The following IFT43 variants were observed in gnomAD, a reference collection of about 807,000 sequenced individuals.
The protein encoded by IFT43 is intraflagellar transport protein 43 homolog.
IFT43 carries 33 observed loss-of-function variants against 32.3 expected under a neutral mutation model. The observed-to-expected ratio is 1.02, with a 90% CI of 0.77 to 1.37. The LOEUF (loss-of-function observed/expected upper bound fraction) is 1.37, where lower values mean the gene tolerates loss of function less well. IFT43 is among the 40% of genes most tolerant of loss of function. IFT43 has a pLI of 0.00. For missense variants in IFT43, 274 were observed against 265.9 expected (o/e 1.03, Z -0.21); for synonymous variants, 93 against 98.2 (o/e 0.95, Z 0.31).
chr14:76,021,329 C>T (rs1389279029), intron 2 of IFT43, among the ~76,000 whole-genome samples: 1 of 152,150 alleles, frequency 6.6e-6, no homozygotes, highest in Non-Finnish European at 1.5e-5. Flanking sequence ...TTTATCTCTT[C>T]TAAGCAAGTC....
intron 2 of IFT43, among the ~76,000 whole-genome samples, chr14:76,011,606 T>C (rs761094721): frequency 2.6e-5 from 4 of 152,248 alleles, no homozygotes; most frequent in Non-Finnish European, 5.9e-5. Context: ...CAGTCAGTCT[T>C]GTACCTAATG....
chr14:76,037,862 T>G (rs1230576459), intron 3 of IFT43, among the ~76,000 whole-genome samples: 2 of 152,190 alleles, frequency 1.3e-5, no homozygotes, highest in African/African-American at 4.8e-5. Context: ...ACATATTTGA[T>G]CAATGAGTAA....
chr14:75,995,270 A>G (rs1375795228), intron 2 of IFT43, among the ~76,000 whole-genome samples: 1 of 152,166 alleles, frequency 6.6e-6, no homozygotes, highest in African/African-American at 2.4e-5. Context: ...AGATGGGAAG[A>G]AGCACAGACC....
At chr14:75,991,830 G>T (rs1221088107) in intron 2 of IFT43, among the ~76,000 whole-genome samples, 1 of 152,098 alleles carries the variant, frequency 6.6e-6, no homozygotes, top group Non-Finnish European at 1.5e-5. Context: ...AGGATTCCAG[G>T]ATCCCTTTCT....
At chr14:76,057,470 A>T (rs999926776) in intron 3 of IFT43, among the ~76,000 whole-genome samples, 3 of 151,928 alleles carry the variant, frequency 2.0e-5, no homozygotes, top group South Asian at 2.1e-4. Context: ...ACCTCAAATG[A>T]TCCACCTGCC....
In IFT43 at chr14:76,083,600, A is replaced by T. The variant is rs749406318; in HGVS notation, c.*23A>T. 6.2e-7 allele frequency: 1 copy of T among 1,612,712 alleles called. No homozygotes were observed. The highest frequency in any genetic ancestry group is 2.2e-5 in the East Asian group (1 of 44,884). Reference sequence around the variant, plus strand: ...TGAGCCCGTCACCCATGCTCTAGACATGAAGAAATGCAATGAGCTTAAAGC... The same window carrying T: ...TGAGCCCGTCACCCATGCTCTAGACTTGAAGAAATGCAATGAGCTTAAAGC... On this transcript the variant is annotated 3_prime_UTR_variant, in exon 9 of 9. Transcript: ENST00000314067.
intron 3 of IFT43, among the ~76,000 whole-genome samples, chr14:76,037,515 G>A (rs1489685459): frequency 6.6e-6 from 1 of 152,120 alleles, no homozygotes; most frequent in Non-Finnish European, 1.5e-5. Flanking sequence ...CTACTTGGCT[G>A]CTTGAAATAC....
rs371443799 is a variant in IFT43 at position 76,000,334 on chromosome 14, G to A, written c.147+11357G>A. On this transcript the variant is annotated intron_variant, in intron 2 of 8. Coordinates refer to ENST00000314067, the MANE Select transcript of IFT43 (RefSeq NM_001102564.3). ...AGCTGGAGTGCAGTGGCACAATCTC[G>A]GCTCACCACAAGCTCCGCCTTCTGG... Among the ~76,000 whole-genome samples, 22 of 145,342 alleles carry A rather than the reference G, an allele frequency of 1.5e-4. 1 individual carries two copies. The East Asian group carries it at 1.6e-3, about 11-fold the overall frequency.
intron 5 of IFT43, among the ~76,000 whole-genome samples, chr14:76,067,447 G>A (rs1027551415): frequency 6.6e-6 from 1 of 152,094 alleles, no homozygotes; most frequent in East Asian, 1.9e-4. Context: ...GTGCACGCCT[G>A]TAATCCAAGC....
intron 2 of IFT43, among the ~76,000 whole-genome samples, chr14:75,998,591 C>G (rs574503853): frequency 6.6e-6 from 1 of 152,096 alleles, no homozygotes; most frequent in Non-Finnish European, 1.5e-5. Flanking sequence ...GTCCAGAAGC[C>G]AAGATAAGTG....
intron 2 of IFT43, among the ~76,000 whole-genome samples, chr14:76,001,831 C>T (rs867947403): frequency 1.3e-5 from 2 of 152,166 alleles, no homozygotes; most frequent in Non-Finnish European, 2.9e-5. Context: ...GGCAAGAGGG[C>T]ATATGAGAGG....
intron 5 of IFT43, among the ~76,000 whole-genome samples, chr14:76,069,180 C>T (rs566543248): frequency 5.3e-5 from 8 of 152,182 alleles, no homozygotes; most frequent in African/African-American, 1.4e-4. Context: ...AGGCACGTCA[C>T]GTGGCGAAAG....
chr14:76,031,612 A>G (rs2036511010), intron 3 of IFT43, among the ~76,000 whole-genome samples: 1 of 148,088 alleles, frequency 6.8e-6, no homozygotes, highest in African/African-American at 2.6e-5. Context: ...TTATTTTGAA[A>G]TAAGAAAATA....
At chr14:76,076,199 G>C (rs761544518) in intron 5 of IFT43, among the ~76,000 whole-genome samples, 9 of 152,212 alleles carry the variant, frequency 5.9e-5, no homozygotes, top group South Asian at 4.1e-4. Flanking sequence ...AGCTCACTGA[G>C]TAAATGGAGT....
rs766994728 is a variant in IFT43 at position 75,985,812 on chromosome 14, A to T, written c.26A>T (p.Glu9Val). The part of the protein sequence containing the change: MEDLLDLD[E>V]ELRYSLATSR... The stretch of plus-strand genomic sequence containing the variant: ...ATGGAGGATTTGCTCGACTTGGACG[A>T]GGAGCTTCGCTACAGCTTGGCTACC... The change falls in exon 1 of 9, where the codon GAG becomes GTG. Residue 9 changes from glutamate (E) to valine (V), a missense_variant. Physicochemically the swap from Glu to Val is moderately radical, Grantham distance 121. Transcript: ENST00000314067. 1.2e-6 allele frequency: 2 copies of T among 1,614,102 alleles called. No individual in the cohort carries two copies. Among genetic ancestry groups the T allele is most frequent in the East Asian group, 2.2e-5 (1 of 44,876 alleles).
At chr14:76,083,352 C>A in intron 8 of IFT43, 63 bp downstream of exon 8, 1 of 1,610,518 alleles carries the variant, frequency 6.2e-7, no homozygotes, top group Non-Finnish European at 8.5e-7. Flanking sequence ...CAGCCGACTC[C>A]CGGGCTGGCC....
intron 5 of IFT43, among the ~76,000 whole-genome samples, chr14:76,068,018 G>C (rs956564496): frequency 2.9e-4 from 44 of 152,178 alleles, no homozygotes; most frequent in African/African-American, 1.0e-3. Context: ...AACTTTGTTG[G>C]GGGGACAAGG....
chr14:76,045,703 G>A (rs2036795517), intron 3 of IFT43, among the ~76,000 whole-genome samples: 1 of 152,216 alleles, frequency 6.6e-6, no homozygotes, highest in Non-Finnish European at 1.5e-5. Context: ...CCTCACCTCT[G>A]TTTTCCAGGC....
chr14:75,997,743 GTGTT>G (rs902595107), intron 2 of IFT43, among the ~76,000 whole-genome samples: 1 of 151,236 alleles, frequency 6.6e-6, no homozygotes, highest in Non-Finnish European at 1.5e-5. Flanking sequence ...GAAAATAAAA[GTGTT>G]TGTTTGGGGG....
Sources: gnomAD v4.1 joint callset for allele counts (sites outside exome capture counted in the v4.1 genomes callset) on GRCh38, gnomAD v4.1.1 for gene constraint, MANE v1.5 for transcripts, NCBI Gene and HGNC (gene_info 2026-07-23, HGNC 2026-07-21) for gene names.